NLGN1: variants seen among roughly 807,000 people sequenced by gnomAD.
NLGN1 encodes neuroligin-1.
NLGN1 carries 12 observed loss-of-function variants against 65.5 expected under a neutral mutation model. That is an observed-to-expected ratio of 0.18 (90% CI 0.12 to 0.30). The LOEUF is 0.30. Among genes scored for constraint, NLGN1 ranks in the 10% least tolerant of loss-of-function variants. NLGN1 has a pLI of 1.00. For missense variants in NLGN1, 750 were observed against 1,007.1 expected, an observed-to-expected ratio of 0.74 and a Z score of 3.46; for synonymous variants, 350 against 359.5, an observed-to-expected ratio of 0.97 and a Z score of 0.30.
Position 174,247,835 on chromosome 3 carries a change from A to G in NLGN1, c.647-27480A>G, listed in dbSNP as rs139308062. On this transcript the variant is annotated intron_variant, in intron 4 of 6. Coordinates refer to ENST00000457714, the Ensembl canonical transcript of NLGN1. ...GATGGCTACTGCTCTGCTTTGCTCC[A>G]ATGTCTGACCTTATCTGAACAAGAA... Among the ~76,000 whole-genome samples the G allele has an allele frequency of 3.9e-5, 6 of 152,330 alleles. No individual in the cohort carries two copies. In the East Asian group the frequency reaches 9.7e-4, roughly 25 times the overall value.
chr3:173,718,011 T>G (rs536294517), intron 3 of NLGN1, among the ~76,000 whole-genome samples: 1 of 152,204 alleles, frequency 6.6e-6, no homozygotes, highest in East Asian at 1.9e-4. Flanking sequence ...TTTTTTAGTG[T>G]TTTTTATTGA....
chr3:173,995,298 C>T (rs1289969491), intron 4 of NLGN1, among the ~76,000 whole-genome samples: 1 of 152,212 alleles, frequency 6.6e-6, no homozygotes, highest in African/African-American at 2.4e-5. Context: ...TCTCTGTCCA[C>T]CTGCCTCATT....
Position 173,883,166 on chromosome 3 carries a change from A to G in NLGN1, c.646+75334A>G, listed in dbSNP as rs147466974. Among the ~76,000 whole-genome samples, 1,095 of 151,168 alleles carry G rather than the reference A, an allele frequency of 7.2e-3. 16 individuals are homozygous for G. The highest frequency in any genetic ancestry group is 0.025 in the African/African-American group (1,044 of 41,070). On this transcript the variant is annotated intron_variant, in intron 4 of 6. Transcript: ENST00000457714. The stretch of plus-strand genomic sequence containing the variant: ...TATGTTTAATCATTTCTAGGTTTTG[A>G]TTAAAGTGAGACATGTGTGACTCTT...
At chr3:173,620,133 C>G (rs1363655861) in intron 3 of NLGN1, among the ~76,000 whole-genome samples, 2 of 152,064 alleles carry the variant, frequency 1.3e-5, no homozygotes, top group African/African-American at 2.4e-5. Context: ...AATGTTCTTT[C>G]TGACAACAGT....
intron 2 of NLGN1, among the ~76,000 whole-genome samples, chr3:173,469,155 A>G (rs1467419155): frequency 5.3e-5 from 8 of 152,138 alleles, no homozygotes; most frequent in Non-Finnish European, 1.2e-4. Flanking sequence ...TAAAGCCTTA[A>G]TTTTTAAATT....
intron 3 of NLGN1, among the ~76,000 whole-genome samples, chr3:173,742,930 A>G (rs751437397): frequency 1.8e-4 from 28 of 152,146 alleles, no homozygotes; most frequent in South Asian, 4.1e-4. Context: ...TATTATGTCT[A>G]TAAAATTATT....
intron 4 of NLGN1, among the ~76,000 whole-genome samples, chr3:174,040,261 A>G: frequency 6.6e-6 from 1 of 152,224 alleles, no homozygotes; most frequent in African/African-American, 2.4e-5. Flanking sequence ...GTGTTACGTA[A>G]GGGGAATGAC....
rs138967417 is a variant in NLGN1, at chr3:174,121,240, A to G, written c.647-154075A>G. On this transcript the variant is annotated intron_variant, in intron 4 of 6. Transcript: ENST00000457714. Reference sequence around the variant, plus strand: ...AGCATTTGAAAGAACAAAAGCAGCAAGTTCTGTCTGAGAGCCACTTGACCT... The same window carrying G: ...AGCATTTGAAAGAACAAAAGCAGCAGGTTCTGTCTGAGAGCCACTTGACCT... Among the ~76,000 whole-genome samples the G allele has an allele frequency of 3.4e-3, 523 of 152,330 alleles. 3 individuals are homozygous for G. The highest frequency in any genetic ancestry group is 3.4e-3 in the Middle Eastern group (1 of 294).
chr3:173,693,858 T>A lies in NLGN1; in HGVS notation c.493+88767T>A, dbSNP rs368023633. Among the ~76,000 whole-genome samples the A allele has an allele frequency of 5.3e-5, 8 of 152,226 alleles. No homozygotes were observed. The East Asian group carries it at 1.3e-3, about 26-fold the overall frequency. On this transcript the variant is annotated intron_variant, in intron 3 of 6. Coordinates refer to ENST00000457714, the Ensembl canonical transcript of NLGN1. The stretch of plus-strand genomic sequence containing the variant: ...CATTTTTGGAGAAAGTTGAGGATAG[T>A]GAATTGGAAAATAATATTAAGGTGT...
intron 2 of NLGN1, among the ~76,000 whole-genome samples, chr3:173,572,926 C>A (rs567297913): frequency 1.3e-5 from 2 of 152,252 alleles, no homozygotes; most frequent in South Asian, 4.2e-4. Context: ...ACTTCTCCTG[C>A]CCTGTGTGAG....
chr3:173,500,351 C>T (rs897191200), intron 2 of NLGN1, among the ~76,000 whole-genome samples: 14 of 152,072 alleles, frequency 9.2e-5, no homozygotes, highest in African/African-American at 1.7e-4. Flanking sequence ...TGCTGGATTA[C>T]GTTTATTGAT....
chr3:174,174,158 T>C (rs1307468116), intron 4 of NLGN1, among the ~76,000 whole-genome samples: 1 of 152,128 alleles, frequency 6.6e-6, no homozygotes, highest in Admixed American at 6.6e-5. Flanking sequence ...CCTTAATTCA[T>C]TCCTTTTTAT....
chr3:173,593,076 G>T (rs1030213908), intron 2 of NLGN1, among the ~76,000 whole-genome samples: 1 of 152,156 alleles, frequency 6.6e-6, no homozygotes, highest in Non-Finnish European at 1.5e-5. Context: ...TAATTCTTCA[G>T]GAAGATCATC....
At chr3:173,671,498 A>G (rs1041937180) in intron 3 of NLGN1, among the ~76,000 whole-genome samples, 1 of 152,208 alleles carries the variant, frequency 6.6e-6, no homozygotes, top group East Asian at 1.9e-4. Context: ...GAATCATTTT[A>G]CCTTAACATG....
chr3:173,820,409 A>G (rs1016929407), intron 4 of NLGN1, among the ~76,000 whole-genome samples: 4 of 152,290 alleles, frequency 2.6e-5, no homozygotes, highest in Non-Finnish European at 2.9e-5. Context: ...GTTGGTGCTC[A>G]TAAGCATTAG....
intron 2 of NLGN1, among the ~76,000 whole-genome samples, chr3:173,495,263 A>G: frequency 6.6e-6 from 1 of 151,826 alleles, no homozygotes; most frequent in African/African-American, 2.4e-5. Context: ...AACATAATTG[A>G]TTTTTAAATT....
chr3:174,280,637 G>A lies in NLGN1; in HGVS notation c.1806G>A (p.Lys602=), dbSNP rs928799561. ...TTAAAGAACATTACAGAGCCAATAA[G>A]GTGAACCTCTGGTTGGAGTTGGTAC... Residue 602 remains lysine (K), a synonymous_variant, in exon 7 of 7, where the codon AAG becomes AAA. Coordinates refer to ENST00000457714, the Ensembl canonical transcript of NLGN1. This position sits in a 1 kb window ranked among gnomAD's most constrained non-coding sequence, Gnocchi z 4.9. 2 of 1,613,244 alleles carry A rather than the reference G, an allele frequency of 1.2e-6. No individual in the cohort carries two copies. The highest frequency in any genetic ancestry group is 1.7e-5 in the Admixed American group (1 of 59,882).
chr3:174,001,727 A>T (rs957438251), intron 4 of NLGN1, among the ~76,000 whole-genome samples: 3 of 152,156 alleles, frequency 2.0e-5, no homozygotes, highest in Admixed American at 2.0e-4. Context: ...TATCTGGCAT[A>T]TGGAAAGCAT....
At chr3:173,407,882 A>G (rs561900715) in intron 1 of NLGN1, among the ~76,000 whole-genome samples, 27 of 152,356 alleles carry the variant, frequency 1.8e-4, no homozygotes, top group African/African-American at 6.3e-4. Flanking sequence ...ATTTATTTTG[A>G]ATAAATAGTC....
Sources: gnomAD v4.1 joint callset for allele counts (sites outside exome capture counted in the v4.1 genomes callset) on GRCh38, gnomAD v4.1.1 for gene constraint, Gnocchi (gnomAD v3.1) non-coding constraint, MANE v1.5 for transcripts, NCBI Gene and HGNC (gene_info 2026-07-23, HGNC 2026-07-21) for gene names.